Variants in EML5 observed in about 807,000 individuals in gnomAD.
The protein encoded by EML5 is echinoderm microtubule-associated protein-like 5.
Under a neutral mutation model 250.0 loss-of-function variants are expected in EML5, and 120 were observed. That is an observed-to-expected ratio of 0.48 (90% CI 0.41 to 0.56). The LOEUF (loss-of-function observed/expected upper bound fraction) is 0.56. Ranked by LOEUF, EML5 falls within the 20% of genes least tolerant of loss-of-function variation. EML5 has a pLI of 0.00. For missense variants in EML5, 2,006 were observed against 2,437.6 expected (o/e 0.82, Z 3.73); for synonymous variants, 771 against 806.5 (o/e 0.96, Z 0.75).
At chr14:88,694,484 A>G in intron 16 of EML5, 77 bp from the exon 17 acceptor site, 1 of 977,950 alleles carries the variant, frequency 1.0e-6, no homozygotes. Flanking sequence ...TCCATACCCT[A>G]TCTTGATTAC....
chr14:88,706,327 T>G lies in EML5; in HGVS notation c.1757A>C (p.His586Pro). Residue 586 changes from histidine (H) to proline (P), a missense_variant, in exon 11 of 44, where the codon CAC becomes CCC. Transcript: ENST00000554922. ...QWVISIGGAD[H>P]SVFQWKFIPE... ...AATAAATTTCCACTGAAAGACAGAG[T>G]GATCTGCTCCACCAATAGAAATAAC... is the stretch of plus-strand genomic sequence containing the variant. 1 of 1,610,174 alleles carries G rather than the reference T, an allele frequency of 6.2e-7. No homozygotes were observed. The highest frequency in any genetic ancestry group is 8.5e-7 in the Non-Finnish European group (1 of 1,178,232).
chr14:88,781,689 G>A (rs947814843), intron 1 of EML5, among the ~76,000 whole-genome samples: 4 of 152,156 alleles, frequency 2.6e-5, no homozygotes, highest in African/African-American at 9.7e-5. Flanking sequence ...GTTCCCATGA[G>A]ATCTGATGAT....
intron 8 of EML5, among the ~76,000 whole-genome samples, chr14:88,715,899 T>A (rs2093484841): frequency 6.6e-6 from 1 of 152,106 alleles, no homozygotes. Context: ...GAAGTGGAAC[T>A]TTTTTTCAAT....
chr14:88,616,107 T>C (rs752399846), intron 43 of EML5, 35 bp downstream of exon 43: 10 of 1,599,690 alleles, frequency 6.3e-6, no homozygotes, highest in Middle Eastern at 1.7e-4. Flanking sequence ...ACTAGTAACA[T>C]AGTCTGCTCT....
intron 17 of EML5, among the ~76,000 whole-genome samples, chr14:88,693,617 G>T (rs1595546911): frequency 1.3e-5 from 2 of 151,976 alleles, no homozygotes; most frequent in African/African-American, 2.4e-5. Flanking sequence ...AATAAATCTT[G>T]TATTTGTTTA....
intron 4 of EML5, among the ~76,000 whole-genome samples, chr14:88,741,863 A>C (rs2093929575): frequency 6.6e-6 from 1 of 152,216 alleles, no homozygotes; most frequent in African/African-American, 2.4e-5. Context: ...TTCTTATTTT[A>C]AAATTTGAAG....
At chr14:88,748,350 T>C (rs1202196734) in intron 2 of EML5, among the ~76,000 whole-genome samples, 1 of 152,194 alleles carries the variant, frequency 6.6e-6, no homozygotes, top group Admixed American at 6.5e-5. Flanking sequence ...ATAACCAGAA[T>C]GAAGATACCT....
chr14:88,707,279 T>TTTA, intron 10 of EML5, among the ~76,000 whole-genome samples: 1 of 143,048 alleles, frequency 7.0e-6, no homozygotes, highest in East Asian at 2.0e-4. Context: ...ATTTTATTTA[T>TTTA]TTATTTATTT....
chr14:88,745,901 A>ACGTTCTG (rs2093997974), intron 3 of EML5, among the ~76,000 whole-genome samples: 1 of 152,208 alleles, frequency 6.6e-6, no homozygotes, highest in African/African-American at 2.4e-5. Context: ...ACAAACCTGC[A>ACGTTCTG]CGTTCTGCAC....
chr14:88,665,230 A>G, intron 22 of EML5, 107 bp downstream of exon 22: 1 of 1,259,126 alleles, frequency 7.9e-7, no homozygotes, highest in Non-Finnish European at 1.1e-6. Flanking sequence ...TCTAGTAAAA[A>G]AGTTAAGTTC....
At chr14:88,748,711 C>T (rs1157449014) in intron 2 of EML5, among the ~76,000 whole-genome samples, 2 of 151,790 alleles carry the variant, frequency 1.3e-5, no homozygotes, top group East Asian at 1.9e-4. Context: ...ATTTTCAAGA[C>T]AAGAATTATC....
chr14:88,770,559 A>T (rs2094380690), intron 1 of EML5, among the ~76,000 whole-genome samples: 1 of 152,146 alleles, frequency 6.6e-6, no homozygotes, highest in Admixed American at 6.5e-5. Flanking sequence ...GTACACAAGC[A>T]GCAGGATTAA....
At chr14:88,745,832 A>C (rs2093996867) in intron 3 of EML5, among the ~76,000 whole-genome samples, 4 of 152,200 alleles carry the variant, frequency 2.6e-5, no homozygotes, top group African/African-American at 9.6e-5. Flanking sequence ...TCTTATACCT[A>C]ATGTAGATGA....
intron 21 of EML5, among the ~76,000 whole-genome samples, chr14:88,667,733 G>C (rs2092345482): frequency 6.6e-6 from 1 of 152,214 alleles, no homozygotes; most frequent in Non-Finnish European, 1.5e-5. Context: ...CTGGCATGAA[G>C]GGGGCCTGAT....
rs2093888171 is a variant in EML5, at chr14:88,739,117, G to C, written c.712-103C>G. ...AACCAATTTAACAATATTTTGGTAG[G>C]ATATAAGAATAAACAAATACATCAG... On this transcript the variant is annotated intron_variant, in intron 5 of 43. Coordinates refer to ENST00000554922, the MANE Select transcript of EML5 (RefSeq NM_183387.3). The C allele has an allele frequency of 3.7e-5, 41 of 1,121,526 alleles. 1 individual carries two copies. In the South Asian group the frequency reaches 6.6e-4, roughly 18 times the overall value. The allele number at this position is 1,121,526 out of a possible 1,614,324, so 69.5% of individuals were successfully genotyped here.
intron 7 of EML5, among the ~76,000 whole-genome samples, chr14:88,734,895 A>G (rs956594785): frequency 1.3e-5 from 2 of 152,210 alleles, no homozygotes; most frequent in Non-Finnish European, 2.9e-5. Context: ...CTGAAAAGAC[A>G]TATCAGCAAA....
In EML5 at chr14:88,736,501, T is replaced by C; in HGVS notation, c.912A>G (p.Glu304=). Reference sequence around the variant, plus strand: ...TTTCTTGCACCACAATTTCAAAAATTTCACTGTCCTGTGTTCCAACTAGAA... The same window carrying C: ...TTTCTTGCACCACAATTTCAAAAATCTCACTGTCCTGTGTTCCAACTAGAA... ...DHILVGTQDS[E]IFEIVVQERN... Residue 304 remains glutamate, a synonymous_variant, in exon 7 of 44, where the codon GAA becomes GAG. Transcript: ENST00000554922. The C allele has an allele frequency of 1.2e-6, 2 of 1,613,984 alleles. No homozygotes were observed. The highest frequency in any genetic ancestry group is 1.7e-6 in the Non-Finnish European group (2 of 1,179,892).
In EML5 at chr14:88,740,418, T is replaced by C. The variant is rs199924646; in HGVS notation, c.680A>G (p.Asn227Ser). The change falls in exon 5 of 44, where the codon AAT (asparagine) becomes AGT (serine). Residue 227 changes from asparagine to serine, a missense_variant. Asn to Ser is a conservative substitution (Grantham distance 46). Transcript: ENST00000554922. ...GGCTCCTTGTATTGTTCGTATAAGA[T>C]TGATTCCTTTCCAAACATATATATC... ...NGDIYVWKGINLIRTIQGAHA... is the reference protein window; with the variant it reads ...NGDIYVWKGISLIRTIQGAHA... The C allele has an allele frequency of 6.6e-5, 106 of 1,613,130 alleles. No individual in the cohort carries two copies. The highest frequency in any genetic ancestry group is 1.1e-4 in the East Asian group (5 of 44,868).
chr14:88,791,399 G>T (rs1248608391), intron 1 of EML5, among the ~76,000 whole-genome samples: 2 of 152,112 alleles, frequency 1.3e-5, no homozygotes, highest in African/African-American at 4.8e-5. Flanking sequence ...CCTCTGTAAA[G>T]GACAAAAAAT....
Sources: gnomAD v4.1 joint callset for allele counts (sites outside exome capture counted in the v4.1 genomes callset) on GRCh38, gnomAD v4.1.1 for gene constraint, MANE v1.5 for transcripts, NCBI Gene and HGNC (gene_info 2026-07-23, HGNC 2026-07-21) for gene names.